DEPDC1B: variants seen among roughly 807,000 people sequenced by gnomAD.
DEPDC1B encodes the protein DEP domain containing 1B, also known as DEP domain-containing protein 1B.
A neutral mutation model predicts 66.5 loss-of-function variants in DEPDC1B; 51 were observed. That is an observed-to-expected ratio of 0.77 (90% confidence interval 0.61 to 0.97). The LOEUF is 0.97. Among genes scored for constraint, DEPDC1B ranks in the 50% least tolerant of loss-of-function variants. The pLI is 0.00. For missense variants in DEPDC1B, 552 were observed against 637.1 expected, an observed-to-expected ratio of 0.87 and a Z score of 1.44; for synonymous variants, 226 against 223.6, an observed-to-expected ratio of 1.01 and a Z score of -0.10.
rs1296215818 is a variant in DEPDC1B at position 60,603,569 on chromosome 5, TA to T, written c.1066-3del. 1.9e-6 allele frequency: 3 copies of T among 1,581,736 alleles called. No individual in the cohort carries two copies. Among genetic ancestry groups the T allele is most frequent in the Non-Finnish European group, 1.7e-6 (2 of 1,169,146 alleles). ...GCAACGGGAAAATGTCTGAACCATCTAAAAAAAGAGCGGGGTGGGGGGTAAA... is the reference window on the plus strand; with the variant it reads ...GCAACGGGAAAATGTCTGAACCATCTAAAAAAGAGCGGGGTGGGGGGTAAA... On this transcript the variant is annotated splice_region_variant and splice_polypyrimidine_tract_variant and intron_variant, in intron 8 of 10. Transcript: ENST00000265036.
intron 2 of DEPDC1B, among the ~76,000 whole-genome samples, chr5:60,651,818 T>C (rs977736975): frequency 1.3e-5 from 2 of 152,188 alleles, no homozygotes; most frequent in African/African-American, 4.8e-5. Flanking sequence ...CCTGTGGTAA[T>C]AGGGAAACTA....
chr5:60,630,526 C>T (rs1752900777), intron 7 of DEPDC1B: 2 of 152,222 alleles, frequency 1.3e-5, no homozygotes, highest in Non-Finnish European at 2.9e-5. Flanking sequence ...CATGGCTGTT[C>T]TGGAAAGAAA....
intron 1 of DEPDC1B, among the ~76,000 whole-genome samples, chr5:60,697,455 T>C (rs1333276851): frequency 6.6e-6 from 1 of 152,090 alleles, no homozygotes; most frequent in African/African-American, 2.4e-5. Context: ...ATGCTGCAGA[T>C]AGAGGGAGGA....
intron 2 of DEPDC1B, among the ~76,000 whole-genome samples, chr5:60,650,940 C>T (rs1198432099): frequency 6.6e-6 from 1 of 152,192 alleles, no homozygotes; most frequent in African/African-American, 2.4e-5. Flanking sequence ...CTCTTCCTGC[C>T]TCTTGAAACT....
chr5:60,637,623 A>G (rs965968010), intron 7 of DEPDC1B, among the ~76,000 whole-genome samples: 1 of 152,208 alleles, frequency 6.6e-6, no homozygotes, highest in Non-Finnish European at 1.5e-5. Context: ...AATATTCATC[A>G]TTAGCCATGA....
At chr5:60,680,547 CAT>C (rs1195014763) in intron 2 of DEPDC1B, among the ~76,000 whole-genome samples, 2 of 152,104 alleles carry the variant, frequency 1.3e-5, no homozygotes, top group East Asian at 3.9e-4. Context: ...AATTCTCTAA[CAT>C]ATATATGCAA....
intron 2 of DEPDC1B, among the ~76,000 whole-genome samples, chr5:60,668,900 T>A (rs1753967241): frequency 6.6e-6 from 1 of 152,244 alleles, no homozygotes; most frequent in Admixed American, 6.5e-5. Context: ...TCTAGTGGGC[T>A]AAATTTCATT....
chr5:60,623,452 T>G (rs2111794585), intron 7 of DEPDC1B, among the ~76,000 whole-genome samples: 1 of 152,238 alleles, frequency 6.6e-6, no homozygotes, highest in South Asian at 2.1e-4. Flanking sequence ...AAACAGGTAA[T>G]GTAAGTTCTC....
At chr5:60,615,628 T>G (rs1246697929) in intron 7 of DEPDC1B, among the ~76,000 whole-genome samples, 5 of 152,038 alleles carry the variant, frequency 3.3e-5, no homozygotes, top group African/African-American at 9.7e-5. Context: ...CAGGCTTGAG[T>G]AGGTAAAGCA....
intron 1 of DEPDC1B, among the ~76,000 whole-genome samples, chr5:60,691,541 T>G (rs764925145): frequency 3.3e-5 from 5 of 152,064 alleles, no homozygotes; most frequent in Admixed American, 6.6e-5. Flanking sequence ...CTTTTTTAAC[T>G]TAAAAACACA....
chr5:60,673,518 G>A (rs1754093492), intron 2 of DEPDC1B, among the ~76,000 whole-genome samples: 1 of 152,156 alleles, frequency 6.6e-6, no homozygotes, highest in Non-Finnish European at 1.5e-5. Context: ...AAGTGACTGG[G>A]GAAATGCTGA....
At position 60,603,578 on chromosome 5, in the gene DEPDC1B, A is replaced by G. The variant is rs1186743552; in HGVS notation, c.1066-11T>C. On this transcript the variant is annotated splice_polypyrimidine_tract_variant and intron_variant, in intron 8 of 10. Transcript: ENST00000265036. ...AAATGTCTGAACCATCTAAAAAAAGAGCGGGGTGGGGGGTAAACGCAGATG... is the reference window on the plus strand; with the variant it reads ...AAATGTCTGAACCATCTAAAAAAAGGGCGGGGTGGGGGGTAAACGCAGATG... 1 of 1,575,764 alleles carries G rather than the reference A, an allele frequency of 6.3e-7. No individual in the cohort carries two copies. The highest frequency in any genetic ancestry group is 2.3e-5 in the East Asian group (1 of 44,392).
intron 8 of DEPDC1B, among the ~76,000 whole-genome samples, chr5:60,604,309 C>T (rs1238323616): frequency 7.2e-6 from 1 of 139,212 alleles, no homozygotes; most frequent in Non-Finnish European, 1.5e-5. Flanking sequence ...TAACCTCCGC[C>T]TCCCAGGTTC....
At chr5:60,615,789 G>C (rs879348564) in intron 7 of DEPDC1B, among the ~76,000 whole-genome samples, 4 of 152,226 alleles carry the variant, frequency 2.6e-5, no homozygotes, top group Admixed American at 2.6e-4. Context: ...GCCTTGAAGA[G>C]AGTAGTGGTT....
intron 2 of DEPDC1B, among the ~76,000 whole-genome samples, chr5:60,679,418 A>G (rs1754242202): frequency 1.3e-5 from 2 of 152,246 alleles, no homozygotes; most frequent in African/African-American, 4.8e-5. Flanking sequence ...TTAGTTTCAA[A>G]TTAAAATCAG....
At chr5:60,699,441 C>CAA (rs1250552536) in intron 1 of DEPDC1B, among the ~76,000 whole-genome samples, 1 of 13,956 alleles carries the variant, frequency 7.2e-5, no homozygotes, top group African/African-American at 1.3e-3. Context: ...GCTTTTCTCC[C>CAA]AGAAAAAAAA....
intron 2 of DEPDC1B, among the ~76,000 whole-genome samples, chr5:60,677,326 A>ACTCTCTCTCTCTCTCTCT (rs70975391): frequency 1.4e-4 from 15 of 108,522 alleles, no homozygotes; most frequent in African/African-American, 4.8e-4. Flanking sequence ...ACACACACAC[A>ACTCTCTCTCTCTCTCTCT]CTCTCTCTCT....
At chr5:60,681,519 A>T (rs1375642791) in intron 2 of DEPDC1B, among the ~76,000 whole-genome samples, 1 of 152,216 alleles carries the variant, frequency 6.6e-6, no homozygotes, top group Non-Finnish European at 1.5e-5. Flanking sequence ...TACCTACAAA[A>T]GCCAATCCAT....
intron 7 of DEPDC1B, 50 bp from the exon 8 acceptor site, chr5:60,605,906 G>A: frequency 6.7e-7 from 1 of 1,484,844 alleles, no homozygotes; most frequent in Non-Finnish European, 9.0e-7. Context: ...TAGCCTAGTA[G>A]ATTCTATATG....
Sources: gnomAD v4.1 joint callset for allele counts (sites outside exome capture counted in the v4.1 genomes callset) on GRCh38, gnomAD v4.1.1 for gene constraint, MANE v1.5 for transcripts, NCBI Gene and HGNC (gene_info 2026-07-23, HGNC 2026-07-21) for gene names.